NPAS3: variants seen among roughly 807,000 people sequenced by gnomAD.
NPAS3 encodes neuronal PAS domain-containing protein 3.
In NPAS3, 14 loss-of-function variants were observed where a neutral mutation model predicts 73.1. The ratio of observed to expected loss-of-function variants is 0.19; its 90% CI spans 0.13 to 0.30. The LOEUF (loss-of-function observed/expected upper bound fraction) is 0.30. Ranked by LOEUF, NPAS3 falls within the 10% of genes least tolerant of loss-of-function variation. The pLI is 1.00. For missense variants in NPAS3, 1,096 were observed against 1,250.0 expected, an observed-to-expected ratio of 0.88 and a Z score of 1.86; for synonymous variants, 620 against 541.5, an observed-to-expected ratio of 1.14 and a Z score of -2.01.
At chr14:33,513,508 A>C (rs538921502) in intron 4 of NPAS3, among the ~76,000 whole-genome samples, 40 of 152,174 alleles carry the variant, frequency 2.6e-4, no homozygotes, top group African/African-American at 9.6e-4. Flanking sequence ...TAATTATATA[A>C]TGTTAATAAG....
At chr14:33,548,182 C>G (rs973705369) in intron 4 of NPAS3, among the ~76,000 whole-genome samples, 1 of 152,136 alleles carries the variant, frequency 6.6e-6, no homozygotes, top group Non-Finnish European at 1.5e-5. Context: ...TGTGGCTGAA[C>G]GTATTATTGC....
At chr14:33,388,439 G>A (rs759252524) in intron 4 of NPAS3, among the ~76,000 whole-genome samples, 9 of 151,568 alleles carry the variant, frequency 5.9e-5, no homozygotes, top group Non-Finnish European at 1.3e-4. Flanking sequence ...CAGGGAAATA[G>A]GCACTCGTGA....
At chr14:32,983,006 T>A (rs552734717) in intron 1 of NPAS3, among the ~76,000 whole-genome samples, 4 of 152,140 alleles carry the variant, frequency 2.6e-5, no homozygotes, top group African/African-American at 9.7e-5. Flanking sequence ...TTATAAGTTA[T>A]CTTAAGTGAA....
intron 2 of NPAS3, chr14:33,214,941 A>G: frequency 1.9e-6 from 1 of 517,920 alleles, no homozygotes; most frequent in East Asian, 3.4e-5. Flanking sequence ...AAGGAAAAAA[A>G]CCTTAACAAG....
At chr14:33,705,641 G>T (rs893516870) in intron 6 of NPAS3, among the ~76,000 whole-genome samples, 2 of 152,180 alleles carry the variant, frequency 1.3e-5, no homozygotes, top group South Asian at 4.1e-4. Context: ...CGTGTGGAAT[G>T]TTCCTTAGAT....
At chr14:33,425,561 G>A (rs1212919882) in intron 4 of NPAS3, among the ~76,000 whole-genome samples, 4 of 131,162 alleles carry the variant, frequency 3.0e-5, no homozygotes, top group Admixed American at 8.0e-5. Context: ...TTTTTAGCAT[G>A]TTGGCTTTGT....
chr14:33,281,734 T>G (rs567928008), intron 3 of NPAS3, among the ~76,000 whole-genome samples: 22 of 152,336 alleles, frequency 1.4e-4, no homozygotes, highest in African/African-American at 5.3e-4. Flanking sequence ...CCTGGTTTGT[T>G]ACCCAGAATG....
At chr14:33,259,196 C>G (rs1465736899) in intron 3 of NPAS3, among the ~76,000 whole-genome samples, 1 of 152,172 alleles carries the variant, frequency 6.6e-6, no homozygotes, top group Non-Finnish European at 1.5e-5. Flanking sequence ...AGAATGTTGC[C>G]TTTTATCCCC....
At chr14:33,487,823 C>A (rs992425739) in intron 4 of NPAS3, among the ~76,000 whole-genome samples, 1 of 152,054 alleles carries the variant, frequency 6.6e-6, no homozygotes, top group Non-Finnish European at 1.5e-5. Context: ...GAACCAAGTA[C>A]GTGTTATTTT....
chr14:33,453,819 A>G (rs2139414518), intron 4 of NPAS3, among the ~76,000 whole-genome samples: 1 of 152,272 alleles, frequency 6.6e-6, no homozygotes, highest in African/African-American at 2.4e-5. Flanking sequence ...CTTTGGAACA[A>G]TTTAATCCTC....
intron 4 of NPAS3, among the ~76,000 whole-genome samples, chr14:33,373,390 G>A (rs1389634646): frequency 3.7e-5 from 5 of 136,356 alleles, no homozygotes; most frequent in African/African-American, 1.4e-4. Flanking sequence ...AACTATATGT[G>A]TGTGTGTGTG....
intron 3 of NPAS3, among the ~76,000 whole-genome samples, chr14:33,216,728 C>T (rs2047237258): frequency 6.6e-6 from 1 of 152,124 alleles, no homozygotes; most frequent in Non-Finnish European, 1.5e-5. Context: ...ACAAAATAGG[C>T]AGCAGCCACA....
intron 3 of NPAS3, among the ~76,000 whole-genome samples, chr14:33,225,629 T>C (rs1413315395): frequency 6.6e-6 from 1 of 152,232 alleles, no homozygotes; most frequent in Non-Finnish European, 1.5e-5. Flanking sequence ...TTGTGGACAT[T>C]GAAATCAAAT....
chr14:33,355,378 G>T (rs2140364718), intron 3 of NPAS3, among the ~76,000 whole-genome samples: 2 of 152,240 alleles, frequency 1.3e-5, no homozygotes, highest in East Asian at 3.9e-4. Flanking sequence ...TCGGCTCACT[G>T]CATCCTCCGC....
At chr14:33,490,886 G>A (rs570830751) in intron 4 of NPAS3, among the ~76,000 whole-genome samples, 11 of 152,302 alleles carry the variant, frequency 7.2e-5, no homozygotes, top group South Asian at 2.1e-4. Context: ...GCCCTAAAGC[G>A]CATTTATTCT....
rs1004034496 is a variant in NPAS3, at chr14:33,190,786, T to C, written c.141-24396T>C. ...CCCCCTACTCACTGCCAACATGATATGTGTCGTGCTGTCCTTTAGCGCCCA... is the reference window on the plus strand; with the variant it reads ...CCCCCTACTCACTGCCAACATGATACGTGTCGTGCTGTCCTTTAGCGCCCA... On this transcript the variant is annotated intron_variant, in intron 2 of 11. Transcript: ENST00000356141. 7.9e-5 allele frequency among the ~76,000 whole-genome samples: 12 copies of C among 152,330 alleles called. No individual in the cohort carries two copies. The East Asian group carries it at 9.7e-4, about 12-fold the overall frequency.
In NPAS3 at chr14:32,966,753, G is replaced by C. The variant is rs2037182466; in HGVS notation, c.50+27387G>C. On this transcript the variant is annotated intron_variant, in intron 1 of 11. Transcript: ENST00000356141. ...CCACTGCAGTCCGCAGTCCGGCCTG[G>C]GCGACAGAGCGAGACTCCGTCTCAA... Among the ~76,000 whole-genome samples the C allele has an allele frequency of 2.8e-5, 2 of 71,518 alleles. 1 individual carries two copies. The highest frequency in any genetic ancestry group is 2.2e-4 in the Admixed American group (2 of 9,056). The allele number at this position is 71,518 out of a possible 152,430, so 46.9% of individuals were successfully genotyped here.
At chr14:33,624,042 C>G (rs2058155283) in intron 5 of NPAS3, among the ~76,000 whole-genome samples, 2 of 152,168 alleles carry the variant, frequency 1.3e-5, no homozygotes, top group Non-Finnish European at 2.9e-5. Flanking sequence ...CTCAGACTAC[C>G]ACATTTAAAA....
At chr14:33,774,239 T>C in intron 7 of NPAS3, 98 bp from the exon 8 acceptor site, 1 of 864,532 alleles carries the variant, frequency 1.2e-6, no homozygotes, top group Non-Finnish European at 1.8e-6. Flanking sequence ...AAGCTAATGT[T>C]GGTTGTTCCA....
Sources: allele counts gnomAD v4.1 joint callset (sites outside exome capture counted in the v4.1 genomes callset), GRCh38; gene constraint gnomAD v4.1.1; transcripts MANE v1.5; gene names NCBI Gene and HGNC (gene_info 2026-07-23, HGNC 2026-07-21).